TASP1: variants seen among roughly 807,000 people sequenced by gnomAD.
TASP1 encodes threonine aspartase 1.
Under a neutral mutation model 56.6 loss-of-function variants are expected in TASP1, and 16 were observed. That is an observed-to-expected ratio of 0.28 (90% CI 0.19 to 0.43). The LOEUF is 0.43. Ranked by LOEUF, TASP1 falls within the 20% of genes least tolerant of loss-of-function variation. The pLI, the probability that TASP1 is intolerant of heterozygous loss-of-function variation, is 1.00. For missense variants in TASP1, 393 were observed against 511.6 expected, an observed-to-expected ratio of 0.77 and a Z score of 2.24; for synonymous variants, 179 against 184.2, an observed-to-expected ratio of 0.97 and a Z score of 0.23.
the TASP1 span, among the ~76,000 whole-genome samples, chr20:13,383,334 G>A: frequency 6.6e-6 from 1 of 152,206 alleles, no homozygotes; most frequent in East Asian, 1.9e-4. Context: ...GTAAGGAGCA[G>A]TTAGATTCAG....
the TASP1 span, among the ~76,000 whole-genome samples, chr20:13,347,542 T>C: frequency 6.6e-6 from 1 of 152,190 alleles, no homozygotes; most frequent in Non-Finnish European, 1.5e-5. Context: ...ATTTGAGCAA[T>C]TAGCAAAGTT....
chr20:13,544,817 C>T (rs79583089), intron 8 of TASP1, among the ~76,000 whole-genome samples: 5,709 of 152,236 alleles, frequency 0.038, 137 homozygotes, highest in African/African-American at 0.059. Context: ...AATACGAGAG[C>T]TCTGCCAGCC....
the TASP1 span, among the ~76,000 whole-genome samples, chr20:13,120,494 A>G: frequency 1.3e-5 from 2 of 152,202 alleles, no homozygotes; most frequent in Non-Finnish European, 2.9e-5. Context: ...AAAATCTAGA[A>G]AAAAGAGATA....
the TASP1 span, among the ~76,000 whole-genome samples, chr20:13,131,574 C>T: frequency 6.6e-6 from 1 of 152,156 alleles, no homozygotes; most frequent in Admixed American, 6.5e-5. Context: ...GGAGTTCTCC[C>T]TTTTTCCCCA....
chr20:13,600,343 C>T (rs2047908843), intron 4 of TASP1, among the ~76,000 whole-genome samples: 1 of 151,964 alleles, frequency 6.6e-6, no homozygotes, highest in Non-Finnish European at 1.5e-5. Flanking sequence ...ACTCACATTG[C>T]CTGATTTCAA....
the TASP1 span, among the ~76,000 whole-genome samples, chr20:13,117,348 C>T: frequency 1.3e-5 from 2 of 152,134 alleles, no homozygotes; most frequent in Non-Finnish European, 2.9e-5. Context: ...AGTGGCCTTA[C>T]AAGATTGAAA....
intron 13 of TASP1, among the ~76,000 whole-genome samples, chr20:13,410,671 G>T (rs888366112): frequency 6.6e-6 from 1 of 151,760 alleles, no homozygotes; most frequent in Admixed American, 6.6e-5. Context: ...CTTTTTAATG[G>T]GATCTTTTTT....
At chr20:13,207,275 C>T in the TASP1 span, among the ~76,000 whole-genome samples, 1 of 152,270 alleles carries the variant, frequency 6.6e-6, no homozygotes, top group South Asian at 2.1e-4. Flanking sequence ...GGCAGAAGCA[C>T]AAGAAATATA....
At chr20:13,506,624 G>A (rs753392430) in intron 10 of TASP1, among the ~76,000 whole-genome samples, 5 of 152,038 alleles carry the variant, frequency 3.3e-5, no homozygotes, top group Non-Finnish European at 7.4e-5. Flanking sequence ...CACATTAATA[G>A]AATGAAGAAC....
chr20:13,175,026 G>A, the TASP1 span, among the ~76,000 whole-genome samples: 5 of 152,150 alleles, frequency 3.3e-5, no homozygotes, highest in African/African-American at 4.8e-5. Context: ...CTCTTCATTC[G>A]CTTTCTGCCA....
chr20:13,631,835 G>A (rs2049095786), intron 1 of TASP1, among the ~76,000 whole-genome samples: 1 of 152,204 alleles, frequency 6.6e-6, no homozygotes, highest in African/African-American at 2.4e-5. Context: ...GGAGGCCAAG[G>A]CGGGTGGATC....
the TASP1 span, among the ~76,000 whole-genome samples, chr20:13,306,402 A>C: frequency 6.6e-6 from 1 of 152,064 alleles, no homozygotes; most frequent in African/African-American, 2.4e-5. Context: ...AAATTTTAAC[A>C]AGCACCACTT....
the TASP1 span, among the ~76,000 whole-genome samples, chr20:13,342,675 C>T: frequency 1.3e-5 from 2 of 152,184 alleles, no homozygotes; most frequent in Non-Finnish European, 2.9e-5. Flanking sequence ...CCTCAGATGA[C>T]GCTGGGCTTG....
intron 4 of TASP1, among the ~76,000 whole-genome samples, chr20:13,615,287 C>T (rs1202004725): frequency 6.6e-6 from 1 of 152,084 alleles, no homozygotes; most frequent in Admixed American, 6.6e-5. Context: ...AATGTGTACA[C>T]CATGCAGGAG....
intron 4 of TASP1, among the ~76,000 whole-genome samples, chr20:13,588,296 A>C (rs2047388728): frequency 7.3e-6 from 1 of 137,068 alleles, no homozygotes. Flanking sequence ...GAAGGAAGGA[A>C]GGAAGGAAGG....
At chr20:13,264,187 T>C in the TASP1 span, among the ~76,000 whole-genome samples, 16 of 152,322 alleles carry the variant, frequency 1.1e-4, no homozygotes, top group African/African-American at 3.8e-4. Flanking sequence ...TTCTTTGCCT[T>C]TCAGAAATTT....
At chr20:13,509,755 T>C (rs1394449218) in intron 10 of TASP1, among the ~76,000 whole-genome samples, 2 of 152,180 alleles carry the variant, frequency 1.3e-5, no homozygotes, top group African/African-American at 4.8e-5. Flanking sequence ...GCCTCCTGAC[T>C]AGCTGAGACT....
chr20:13,411,391 G>T (rs2042089175), intron 13 of TASP1, among the ~76,000 whole-genome samples: 1 of 152,048 alleles, frequency 6.6e-6, no homozygotes, highest in African/African-American at 2.4e-5. Context: ...TTGTTTTAAA[G>T]ATACTAATTC....
At chr20:13,298,798 AGGAGTTGTTGACTTCAG>A in the TASP1 span, 44 of 725,554 alleles carry the variant, frequency 6.1e-5, no homozygotes, top group South Asian at 7.5e-4. Context: ...GCTCTAGGAC[AGGAGTTGTTGACTTCAG>A]GGAGTTGTTG....
Sources: allele counts gnomAD v4.1 joint callset (sites outside exome capture counted in the v4.1 genomes callset), GRCh38; gene constraint gnomAD v4.1.1; transcripts MANE v1.5; gene names NCBI Gene and HGNC (gene_info 2026-07-23, HGNC 2026-07-21).